The following RIC3 variants were observed in gnomAD, a reference collection of about 807,000 sequenced individuals.
RIC3 encodes the protein protein RIC-3.
RIC3 carries 28 observed loss-of-function variants against 27.3 expected under a neutral mutation model. The observed-to-expected ratio is 1.02, with a 90% CI of 0.76 to 1.41. RIC3 has a LOEUF of 1.41. RIC3 is among the 40% of genes most tolerant of loss of function. RIC3 has a pLI of 0.00. For missense variants in RIC3, 501 were observed against 444.7 expected (o/e 1.13, Z -1.14); for synonymous variants, 184 against 160.4 (o/e 1.15, Z -1.11).
intron 5 of RIC3, among the ~76,000 whole-genome samples, chr11:8,114,982 C>T (rs191512611): frequency 6.4e-4 from 97 of 152,146 alleles, no homozygotes; most frequent in African/African-American, 2.2e-3. Flanking sequence ...TTTATGGGAA[C>T]TGGAGTTCAA....
chr11:8,159,404 T>A (rs189270577), intron 1 of RIC3, among the ~76,000 whole-genome samples: 194 of 152,254 alleles, frequency 1.3e-3, no homozygotes, highest in African/African-American at 4.5e-3. Flanking sequence ...GGGTCATGTA[T>A]AGACTATCTT....
chr11:8,149,766 C>T lies in RIC3; in HGVS notation c.125-9573G>A, dbSNP rs148024066. Among the ~76,000 whole-genome samples the T allele has an allele frequency of 1.5e-3, 235 of 152,314 alleles. 2 individuals are homozygous for T. Among genetic ancestry groups the T allele is most frequent in the Non-Finnish European group, 2.2e-3 (149 of 68,022 alleles). On this transcript the variant is annotated intron_variant, in intron 1 of 5. Coordinates refer to ENST00000309737, the MANE Select transcript of RIC3 (RefSeq NM_001206671.4). ...TGACGGGATGGGGGGTTCAAACCCA[C>T]CTCATTATACCCCTTCCCTCGCAAA... is the stretch of plus-strand genomic sequence containing the variant.
At chr11:8,162,565 C>T (rs540551125) in intron 1 of RIC3, among the ~76,000 whole-genome samples, 4 of 151,292 alleles carry the variant, frequency 2.6e-5, no homozygotes, top group South Asian at 2.1e-4. Context: ...CAATTTGGCC[C>T]GTGCCAACTT....
rs779100309 is a variant in RIC3 at position 8,110,994 on chromosome 11, C to G, written c.814G>C (p.Glu272Gln). 11 of 1,614,220 alleles carry G rather than the reference C, an allele frequency of 6.8e-6. No individual in the cohort carries two copies. The South Asian group carries it at 1.2e-4, about 18-fold the overall frequency. The change falls in exon 6 of 6, where the codon GAA becomes CAA. Residue 272 changes from glutamate to glutamine, a missense_variant. By Grantham distance (29) the Glu-to-Gln change is conservative. Transcript: ENST00000309737. ...CTTTCCCAACCCAAATGATCTGATT[C>G]TTCCTCTTCTATCATTCCCATTCTT... ...AERMGMIEEE[E>Q]SDHLGWESLP...
intron 5 of RIC3, among the ~76,000 whole-genome samples, chr11:8,118,527 TAAAA>T (rs11378233): frequency 6.0e-5 from 4 of 66,684 alleles, no homozygotes; most frequent in Admixed American, 5.6e-4. Flanking sequence ...GCCATAATTG[TAAAA>T]AAAAAAAAAA....
At chr11:8,098,936 G>T in the RIC3 span, 1 of 1,227,806 alleles carries the variant, frequency 8.1e-7, no homozygotes, top group African/African-American at 1.5e-5. Flanking sequence ...AGGACTTGAT[G>T]CCTGATCTAG....
rs894217978 is a variant in RIC3 at position 8,107,740 on chromosome 11, C to T, written c.*2958G>A. The T allele has an allele frequency of 6.6e-6, 1 of 152,216 alleles. No individual in the cohort carries two copies. Among genetic ancestry groups the T allele is most frequent in the Non-Finnish European group, 1.5e-5 (1 of 68,052 alleles). 9.4% of individuals were successfully genotyped at this position (152,216 alleles called of 1,614,324 possible). On this transcript the variant is annotated 3_prime_UTR_variant, in exon 6 of 6. Transcript: ENST00000309737. ...TGTTGTGACCAGGAAAGGGGATCTC[C>T]TGGCTGCACCACCCACCTGATTTAC... is the stretch of plus-strand genomic sequence containing the variant.
the RIC3 span, chr11:8,097,213 T>G: frequency 6.2e-7 from 1 of 1,613,566 alleles, no homozygotes; most frequent in East Asian, 2.2e-5. Context: ...AGGCACCTAT[T>G]CTGCATCCCC....
chr11:8,097,712 A>G, the RIC3 span: 1 of 1,612,018 alleles, frequency 6.2e-7, no homozygotes, highest in Non-Finnish European at 8.5e-7. Context: ...CCACTCCCCA[A>G]GGTGTTCCTC....
chr11:8,094,065 C>T, the RIC3 span: 6 of 1,614,040 alleles, frequency 3.7e-6, no homozygotes, highest in Admixed American at 3.3e-5. Flanking sequence ...CCGACTCACT[C>T]GCCAGTGTGC....
intron 4 of RIC3, among the ~76,000 whole-genome samples, chr11:8,132,862 T>A (rs1947896041): frequency 6.6e-6 from 1 of 152,130 alleles, no homozygotes; most frequent in Admixed American, 6.5e-5. Flanking sequence ...TTTCTAATAA[T>A]CATAGGAGCA....
intron 4 of RIC3, among the ~76,000 whole-genome samples, chr11:8,133,731 A>C (rs1948018351): frequency 6.6e-6 from 1 of 152,218 alleles, no homozygotes; most frequent in South Asian, 2.1e-4. Flanking sequence ...TTGCACATAA[A>C]AAAGGAGACA....
chr11:8,122,356 T>C (rs559866710), intron 5 of RIC3, among the ~76,000 whole-genome samples: 2 of 152,228 alleles, frequency 1.3e-5, no homozygotes, highest in African/African-American at 4.8e-5. Context: ...CTTTGGGAAT[T>C]AGTTTTTTCC....
intron 5 of RIC3, among the ~76,000 whole-genome samples, chr11:8,122,205 G>T (rs1224179692): frequency 6.6e-6 from 1 of 151,890 alleles, no homozygotes; most frequent in Non-Finnish European, 1.5e-5. Flanking sequence ...ATCACCACAA[G>T]GACCCCTTAT....
At chr11:8,155,689 T>C (rs1006491060) in intron 1 of RIC3, among the ~76,000 whole-genome samples, 2 of 152,202 alleles carry the variant, frequency 1.3e-5, no homozygotes, top group African/African-American at 2.4e-5. Flanking sequence ...ACAAAAGAGT[T>C]TTCTGAAAGC....
intron 5 of RIC3, among the ~76,000 whole-genome samples, chr11:8,126,173 G>A (rs1946970162): frequency 6.6e-6 from 1 of 152,158 alleles, no homozygotes; most frequent in Non-Finnish European, 1.5e-5. Flanking sequence ...TGAGTCATAA[G>A]AGTGCAAAGC....
intron 1 of RIC3, among the ~76,000 whole-genome samples, chr11:8,165,129 C>T (rs1468567668): frequency 6.6e-5 from 10 of 152,160 alleles, no homozygotes; most frequent in African/African-American, 2.4e-4. Context: ...AATAACCATA[C>T]AACCTAGAAA....
chr11:8,161,803 C>T (rs1685992777), intron 1 of RIC3, among the ~76,000 whole-genome samples: 1 of 151,070 alleles, frequency 6.6e-6, no homozygotes, highest in Non-Finnish European at 1.5e-5. Flanking sequence ...GCCAGGAGTT[C>T]CAGGCCAGCT....
chr11:8,106,201 G>GTACACACATAT lies in RIC3; in HGVS notation c.*4486_*4496dup, dbSNP rs1332704386. On this transcript the variant is annotated 3_prime_UTR_variant, in exon 6 of 6. Coordinates refer to ENST00000309737, the MANE Select transcript of RIC3 (RefSeq NM_001206671.4). ...GTTGTAGAATTTAGTGTTTGTCTAA[G>GTACACACATAT]TACACACATATATCAACAAATTAAA... 10 of 152,050 alleles carry GTACACACATAT rather than the reference G, an allele frequency of 6.6e-5. No homozygotes were observed. The highest frequency in any genetic ancestry group is 2.2e-4 in the African/African-American group (9 of 41,412). 9.4% of individuals were successfully genotyped at this position (152,050 alleles called of 1,614,324 possible).
Sources: allele counts gnomAD v4.1 joint callset (sites outside exome capture counted in the v4.1 genomes callset), GRCh38; gene constraint gnomAD v4.1.1; transcripts MANE v1.5; gene names NCBI Gene and HGNC (gene_info 2026-07-23, HGNC 2026-07-21).